TBC1D32: variants seen among roughly 807,000 people sequenced by gnomAD.
TBC1D32 encodes TBC1 domain family member 32, also known as protein broad-minded.
In TBC1D32, 151 loss-of-function variants were observed where a neutral mutation model predicts 170.3. That is an observed-to-expected ratio of 0.89 (90% CI 0.78 to 1.01). TBC1D32 has a LOEUF of 1.01. Ranked by LOEUF, TBC1D32 falls within the 50% of genes least tolerant of loss-of-function variation. TBC1D32 has a pLI of 0.00. For missense variants in TBC1D32, 1,464 were observed against 1,457.1 expected (o/e 1.00, Z -0.08); for synonymous variants, 498 against 488.0 (o/e 1.02, Z -0.27).
Position 121,112,648 on chromosome 6 carries a change from C to T in TBC1D32, c.3181G>A (p.Gly1061Arg), listed in dbSNP as rs1462826124. 2 of 1,570,538 alleles carry T rather than the reference C, an allele frequency of 1.3e-6. No individual in the cohort carries two copies. Among genetic ancestry groups the T allele is most frequent in the Non-Finnish European group, 1.7e-6 (2 of 1,161,404 alleles). The part of the protein sequence containing the change: ...SIKSSLLCLQ[G>R]NYAGHDWFVS... ...AACCAGTCATGGCCAGCATAATTCC[C>T]TTGCAGGCAGACTGAAAAACACAGT... The change falls in exon 29 of 32, where the codon GGG becomes AGG. Residue 1061 changes from glycine (G) to arginine (R), a missense_variant. By Grantham distance (125) the Gly-to-Arg change is moderately radical. This residue lies in a region of TBC1D32 where 1,363 missense variants were observed against 1,338.1 expected (regional missense o/e 1.02). Coordinates refer to ENST00000398212, the MANE Select transcript of TBC1D32 (RefSeq NM_152730.6).
chr6:121,332,045 A>G (rs1811290327), intron 1 of TBC1D32, among the ~76,000 whole-genome samples: 1 of 152,190 alleles, frequency 6.6e-6, no homozygotes, highest in Non-Finnish European at 1.5e-5. Flanking sequence ...TTAACTGTGC[A>G]TGTCATGCAA....
chr6:121,228,527 GT>G (rs1261232045), intron 20 of TBC1D32, among the ~76,000 whole-genome samples: 2 of 151,970 alleles, frequency 1.3e-5, no homozygotes, highest in Non-Finnish European at 2.9e-5. Context: ...CAAGTTATTT[GT>G]AAGTATGTGG....
At chr6:121,118,663 T>C (rs955438651) in intron 26 of TBC1D32, among the ~76,000 whole-genome samples, 1 of 152,188 alleles carries the variant, frequency 6.6e-6, no homozygotes, top group African/African-American at 2.4e-5. Context: ...AGGCAGTTAC[T>C]GGTTGGCTGC....
Position 121,079,705 on chromosome 6 carries a change from G to A in TBC1D32, c.*1066C>T, listed in dbSNP as rs1484714164. The stretch of plus-strand genomic sequence containing the variant: ...ATTGTATTAATCTTACCGGTGCAGA[G>A]ACATCTATTTAAATAAGACAAATCA... On this transcript the variant is annotated 3_prime_UTR_variant, in exon 32 of 32. Transcript: ENST00000398212. The A allele has an allele frequency of 6.6e-6, 1 of 152,080 alleles. No homozygotes were observed. Among genetic ancestry groups the A allele is most frequent in the Admixed American group, 6.5e-5 (1 of 15,274 alleles). 9.4% of individuals were successfully genotyped at this position (152,080 alleles called of 1,614,324 possible). A position where few individuals can be genotyped will look rare whatever the true frequency, so the allele number is the denominator to read the frequency against.
At chr6:121,130,423 A>C (rs1266844951) in intron 25 of TBC1D32, among the ~76,000 whole-genome samples, 1 of 152,156 alleles carries the variant, frequency 6.6e-6, no homozygotes. Context: ...CGGAGGTTGT[A>C]GTGAGCCAAG....
chr6:121,240,078 T>A (rs2128358429), intron 19 of TBC1D32, among the ~76,000 whole-genome samples: 1 of 152,290 alleles, frequency 6.6e-6, no homozygotes, highest in East Asian at 1.9e-4. Context: ...CCATGAAGTA[T>A]CAACAGGACA....
chr6:121,129,855 C>A, intron 25 of TBC1D32: 1 of 427,038 alleles, frequency 2.3e-6, no homozygotes, highest in Non-Finnish European at 4.6e-6. Flanking sequence ...GAGAAAGCAA[C>A]AGGAAGAACA....
chr6:121,275,709 G>A (rs956436441), intron 15 of TBC1D32, among the ~76,000 whole-genome samples: 1 of 152,130 alleles, frequency 6.6e-6, no homozygotes, highest in African/African-American at 2.4e-5. Context: ...GGATCTACAA[G>A]ATATAAAATG....
chr6:121,304,680 A>T (rs1247778108), intron 6 of TBC1D32, 55 bp from the exon 7 acceptor site: 6 of 1,540,504 alleles, frequency 3.9e-6, no homozygotes, highest in African/African-American at 1.4e-5. Flanking sequence ...TGCTTTCTGA[A>T]AAAAATTATT....
chr6:121,227,492 T>A (rs1193956943), intron 20 of TBC1D32, among the ~76,000 whole-genome samples: 1 of 152,156 alleles, frequency 6.6e-6, no homozygotes, highest in African/African-American at 2.4e-5. Flanking sequence ...TTTATCAGAT[T>A]ATGGATTAAA....
chr6:121,160,033 G>A lies in TBC1D32; in HGVS notation c.2750C>T (p.Thr917Ile), dbSNP rs763998538. ...PLPNCYLSDI[T>I]RNAGIKQDND... ...ACCTTGTTTTATACCAGCATTTCTT[G>A]TAATGTCTGACAGATAGCAGTTTGG... is the stretch of plus-strand genomic sequence containing the variant. The change falls in exon 24 of 32, where the codon ACA (threonine) becomes ATA (isoleucine). Residue 917 changes from threonine to isoleucine, a missense_variant. By Grantham distance (89) the Thr-to-Ile change is moderately conservative (BLOSUM62 -1). Around this residue, in one of 3 missense-constraint regions of TBC1D32, gnomAD observed 1,363 missense variants for 1,338.1 expected, o/e 1.02. Transcript: ENST00000398212. The A allele has an allele frequency of 6.2e-7, 1 of 1,604,266 alleles. No individual in the cohort carries two copies. The highest frequency in any genetic ancestry group is 1.7e-5 in the Admixed American group (1 of 59,906).
At chr6:121,177,279 C>T (rs79600604) in intron 22 of TBC1D32, among the ~76,000 whole-genome samples, 2,267 of 152,068 alleles carry the variant, frequency 0.015, 41 homozygotes, top group African/African-American at 0.044. Flanking sequence ...TGATAGTGAG[C>T]GAGTTTCTCA....
At chr6:121,319,209 G>A (rs80184355) in intron 2 of TBC1D32, among the ~76,000 whole-genome samples, 1 of 151,892 alleles carries the variant, frequency 6.6e-6, no homozygotes, top group African/African-American at 2.4e-5. Context: ...GAACCGCTAG[G>A]GGGAGAAACA....
At chr6:121,108,238 T>C (rs1045829774) in intron 29 of TBC1D32, among the ~76,000 whole-genome samples, 2 of 152,116 alleles carry the variant, frequency 1.3e-5, no homozygotes, top group Admixed American at 1.3e-4. Flanking sequence ...ACTAGATCAA[T>C]AGTGAGAGCT....
At chr6:121,094,648 T>C (rs1351523204) in intron 30 of TBC1D32, among the ~76,000 whole-genome samples, 1 of 152,142 alleles carries the variant, frequency 6.6e-6, no homozygotes, top group African/African-American at 2.4e-5. Context: ...ATTTCAAATT[T>C]TGCTTGGTTG....
chr6:121,234,828 CTCATT>C (rs1421481719), intron 20 of TBC1D32, among the ~76,000 whole-genome samples: 1 of 152,084 alleles, frequency 6.6e-6, no homozygotes, highest in East Asian at 1.9e-4. Flanking sequence ...CTGGTTCCTT[CTCATT>C]TGAGTAGACT....
intron 31 of TBC1D32, 22 bp from the exon 32 acceptor site, chr6:121,080,912 AAATT>A: frequency 6.2e-7 from 1 of 1,604,804 alleles, no homozygotes. Flanking sequence ...TACAAAGGGA[AAATT>A]ATTTACTTGA....
chr6:121,143,160 G>A (rs1783009026), intron 24 of TBC1D32, among the ~76,000 whole-genome samples: 1 of 152,056 alleles, frequency 6.6e-6, no homozygotes, highest in Admixed American at 6.6e-5. Context: ...GATATTCTAA[G>A]TAGAAATGAT....
At chr6:121,307,854 C>T (rs1807567111) in intron 5 of TBC1D32, 122 bp downstream of exon 5, 1 of 1,117,646 alleles carries the variant, frequency 8.9e-7, no homozygotes, top group Non-Finnish European at 1.2e-6. Context: ...AAGAGTGAAA[C>T]TCGGTCTCAA....
Sources: gnomAD v4.1 joint callset for allele counts (sites outside exome capture counted in the v4.1 genomes callset) on GRCh38, gnomAD v4.1.1 for gene constraint, gnomAD v4.1.1 regional missense constraint, MANE v1.5 for transcripts, NCBI Gene and HGNC (gene_info 2026-07-23, HGNC 2026-07-21) for gene names.